The following ARL6IP6 variants were observed in gnomAD, a reference collection of about 807,000 sequenced individuals.
The protein encoded by ARL6IP6 is ARF like GTPase 6 interacting protein 6, also known as ADP-ribosylation factor-like protein 6-interacting protein 6.
Under a neutral mutation model 21.5 loss-of-function variants are expected in ARL6IP6, and 22 were observed. The ratio of observed to expected loss-of-function variants is 1.02; its 90% CI spans 0.73 to 1.46. The LOEUF (loss-of-function observed/expected upper bound fraction) is 1.46. Among genes scored for constraint, ARL6IP6 ranks in the 40% most tolerant of loss-of-function variants. The pLI, the probability that ARL6IP6 is intolerant of heterozygous loss-of-function variation, is 0.00. For missense variants in ARL6IP6, 388 were observed against 299.8 expected (o/e 1.29, Z -2.17); for synonymous variants, 164 against 125.3 (o/e 1.31, Z -2.06).
rs747327916 is a variant in ARL6IP6, at chr2:152,718,667, C to T, written c.43C>T (p.Arg15Cys). The change falls in exon 1 of 4, where the codon CGC (arginine) becomes TGC (cysteine). Residue 15 changes from arginine (R) to cysteine (C), a missense_variant. Physicochemically the swap from Arg to Cys is radical, Grantham distance 180. Transcript: ENST00000326446. Reference protein sequence around the residue: ...ESGWRSALRRRGPGTPGPVAR... With the variant: ...ESGWRSALRRCGPGTPGPVAR... ...CGGGTGGCGGTCGGCTCTGCGGCGC[C>T]GCGGTCCCGGCACCCCGGGCCCTGT... The T allele has an allele frequency of 1.1e-5, 17 of 1,570,550 alleles. No individual in the cohort carries two copies. The highest frequency in any genetic ancestry group is 2.3e-5 in the East Asian group (1 of 43,888).
At chr2:152,742,227 A>G (rs1434604955) in intron 3 of ARL6IP6, among the ~76,000 whole-genome samples, 1 of 152,128 alleles carries the variant, frequency 6.6e-6, no homozygotes, top group Non-Finnish European at 1.5e-5. Flanking sequence ...TAACTATGTT[A>G]CCTACCCGTG....
intron 3 of ARL6IP6, among the ~76,000 whole-genome samples, chr2:152,743,307 A>G (rs565953452): frequency 6.6e-6 from 1 of 152,332 alleles, no homozygotes; most frequent in East Asian, 1.9e-4. Context: ...ACTCTATAGT[A>G]ATAAGCTTAG....
chr2:152,735,001 G>T lies in ARL6IP6; in HGVS notation c.462G>T (p.Trp154Cys), dbSNP rs758773462. The T allele has an allele frequency of 8.7e-6, 14 of 1,612,566 alleles. No homozygotes were observed. In the South Asian group the frequency reaches 1.4e-4, roughly 16 times the overall value. Residue 154 changes from tryptophan to cysteine, a missense_variant, in exon 3 of 4, where the codon TGG becomes TGT. Physicochemically the swap from Trp to Cys is radical, Grantham distance 215. Coordinates refer to ENST00000326446, the MANE Select transcript of ARL6IP6 (RefSeq NM_152522.7). ...CTCTCTTTTCCTGTTAAGGATTCTG[G>T]ACTCTACTTATAATATCCCTAACTG... ...DDVDTGLLGF[W>C]TLLIISLTAG...
chr2:152,758,960 G>GGA (rs1203781056), intron 3 of ARL6IP6, among the ~76,000 whole-genome samples: 5 of 152,134 alleles, frequency 3.3e-5, no homozygotes, highest in Middle Eastern at 3.2e-3. Context: ...GCTCCAGAAA[G>GGA]GAGAGTATTC....
chr2:152,731,912 T>A (rs772881216), intron 2 of ARL6IP6, among the ~76,000 whole-genome samples: 5 of 152,118 alleles, frequency 3.3e-5, no homozygotes, highest in Non-Finnish European at 7.4e-5. Context: ...AACTTTCAGT[T>A]TTTCAGCTCA....
chr2:152,750,898 C>G (rs931419265), intron 3 of ARL6IP6, among the ~76,000 whole-genome samples: 1 of 152,216 alleles, frequency 6.6e-6, no homozygotes, highest in African/African-American at 2.4e-5. Flanking sequence ...TAACCTGTCA[C>G]ATTCGTATAT....
Position 152,761,395 on chromosome 2 carries a change from T to G in ARL6IP6, c.*1555T>G, listed in dbSNP as rs1701838644. On this transcript the variant is annotated 3_prime_UTR_variant, in exon 4 of 4. Coordinates refer to ENST00000326446, the MANE Select transcript of ARL6IP6 (RefSeq NM_152522.7). ...CACCCTTTGACTCCAAAGAGCCCTT[T>G]CATTGCAAAGATGTACACAAGTAAC... 6.6e-6 allele frequency: 1 copy of G among 152,162 alleles called. No individual in the cohort carries two copies. Among genetic ancestry groups the G allele is most frequent in the African/African-American group, 2.4e-5 (1 of 41,434 alleles). The allele number at this position is 152,162 out of a possible 1,614,324, so 9.4% of individuals were successfully genotyped here. A position where few individuals can be genotyped will look rare whatever the true frequency, so the allele number is the denominator to read the frequency against.
chr2:152,755,356 GGAGGGCCTGACATCC>G (rs1701534328), intron 3 of ARL6IP6, among the ~76,000 whole-genome samples: 1 of 152,088 alleles, frequency 6.6e-6, no homozygotes, highest in African/African-American at 2.4e-5. Flanking sequence ...CACCTCTTGT[GGAGGGCCTGACATCC>G]GTCAGGCCCG....
intron 2 of ARL6IP6, among the ~76,000 whole-genome samples, chr2:152,730,033 A>C (rs762230916): frequency 2.0e-5 from 3 of 152,210 alleles, no homozygotes; most frequent in Non-Finnish European, 4.4e-5. Flanking sequence ...TAATTTCCCG[A>C]ATCATAAACA....
At chr2:152,717,668 C>A (rs878993363), upstream of ARL6IP6, 7 of 1,416,656 alleles carry the variant, frequency 4.9e-6, no homozygotes, top group South Asian at 3.0e-5. Context: ...GAAGTTTCTG[C>A]GCCGAGTCCT....
chr2:152,719,940 A>G (rs758180427), intron 1 of ARL6IP6: 14 of 364,084 alleles, frequency 3.8e-5, no homozygotes, highest in South Asian at 2.2e-4. Flanking sequence ...AAACCTTACA[A>G]TGCTTGATTT....
chr2:152,737,053 G>A (rs72858735), intron 3 of ARL6IP6, among the ~76,000 whole-genome samples: 8,577 of 152,178 alleles, frequency 0.056, 340 homozygotes, highest in East Asian at 0.14. Flanking sequence ...TAGCTTTCCT[G>A]TTGCCTTCAG....
At chr2:152,751,052 T>TA (rs1462647615) in intron 3 of ARL6IP6, among the ~76,000 whole-genome samples, 3 of 152,192 alleles carry the variant, frequency 2.0e-5, no homozygotes, top group Non-Finnish European at 4.4e-5. Flanking sequence ...GGATTTTTTT[T>TA]CTTGTTTTTT....
rs1701869579 is a variant in ARL6IP6 at position 152,762,074 on chromosome 2, T to G, written c.*2234T>G. On this transcript the variant is annotated 3_prime_UTR_variant, in exon 4 of 4. Coordinates refer to ENST00000326446, the MANE Select transcript of ARL6IP6 (RefSeq NM_152522.7). ...ATAAATCATCTATATGCAGAATGAT[T>G]AGGCAAGGATAGTCACCTAACTCTG... is the stretch of plus-strand genomic sequence containing the variant. 6.6e-6 allele frequency among the ~76,000 whole-genome samples: 1 copy of G among 152,110 alleles called. No individual in the cohort carries two copies. The highest frequency in any genetic ancestry group is 1.5e-5 in the Non-Finnish European group (1 of 68,010).
chr2:152,724,019 T>C (rs1379003629), intron 2 of ARL6IP6, among the ~76,000 whole-genome samples: 2 of 151,190 alleles, frequency 1.3e-5, no homozygotes, highest in South Asian at 2.1e-4. Context: ...TAATATTTCA[T>C]CTAAAAAGTC....
chr2:152,733,955 G>A (rs1700440905), intron 2 of ARL6IP6, among the ~76,000 whole-genome samples: 1 of 152,110 alleles, frequency 6.6e-6, no homozygotes, highest in Non-Finnish European at 1.5e-5. Flanking sequence ...GGGTGAATAA[G>A]TGAGTTAATT....
chr2:152,739,988 A>G lies in ARL6IP6; in HGVS notation c.587+4862A>G, dbSNP rs181202567. The stretch of plus-strand genomic sequence containing the variant: ...TGGGGGTAACCACCCCCATGATTCA[A>G]TTACCTCCCACCAGGTCCCTCCCAT... On this transcript the variant is annotated intron_variant, in intron 3 of 3. Coordinates refer to ENST00000326446, the MANE Select transcript of ARL6IP6 (RefSeq NM_152522.7). 6.1e-3 allele frequency among the ~76,000 whole-genome samples: 925 copies of G among 152,310 alleles called. 6 individuals carry two copies. Among genetic ancestry groups the G allele is most frequent in the African/African-American group, 0.021 (882 of 41,586 alleles).
chr2:152,744,493 G>A (rs778105147), intron 3 of ARL6IP6, among the ~76,000 whole-genome samples: 21 of 152,094 alleles, frequency 1.4e-4, no homozygotes, highest in Non-Finnish European at 2.2e-4. Context: ...AAAATGCAGG[G>A]AAACTTCAGT....
intron 2 of ARL6IP6, among the ~76,000 whole-genome samples, chr2:152,724,128 G>A (rs919626991): frequency 3.9e-4 from 35 of 89,888 alleles, no homozygotes; most frequent in South Asian, 7.4e-4. Context: ...AAAAAAAAAA[G>A]AGAGAAAGCC....
Sources: allele counts gnomAD v4.1 joint callset (sites outside exome capture counted in the v4.1 genomes callset), GRCh38; gene constraint gnomAD v4.1.1; transcripts MANE v1.5; gene names NCBI Gene and HGNC (gene_info 2026-07-23, HGNC 2026-07-21).